Variants in TIMD4 observed in about 807,000 individuals in gnomAD.
TIMD4 encodes T-cell immunoglobulin and mucin domain-containing protein 4.
Under a neutral mutation model 41.2 loss-of-function variants are expected in TIMD4, and 31 were observed. The ratio of observed to expected loss-of-function variants is 0.75; its 90% CI spans 0.57 to 1.01. The LOEUF (loss-of-function observed/expected upper bound fraction) is 1.01. TIMD4 is among the 50% of genes least tolerant of loss of function. The pLI, the probability that TIMD4 is intolerant of heterozygous loss-of-function variation, is 0.00. For synonymous variants in TIMD4, 204 were observed against 177.1 expected, an observed-to-expected ratio of 1.15 and a Z score of -1.21; for missense variants, 479 against 472.5, an observed-to-expected ratio of 1.01 and a Z score of -0.13.
chr5:156,919,523 A>G lies in TIMD4; in HGVS notation c.1071T>C (p.Asp357=). Residue 357 remains aspartate (D), a synonymous_variant, in exon 9 of 9, where the codon GAT becomes GAC. Coordinates refer to ENST00000274532, the MANE Select transcript of TIMD4 (RefSeq NM_138379.3). ...QKHTRLDYIG[D]SKNVLNDVQH... ...GCACGTCATTGAGGACATTTTTACT[A>G]TCTCCAATGTAGTCTAGCCTGTAAA... 6.2e-7 allele frequency: 1 copy of G among 1,613,998 alleles called. No homozygotes were observed. Among genetic ancestry groups the G allele is most frequent in the Non-Finnish European group, 8.5e-7 (1 of 1,179,898 alleles).
chr5:156,925,340 G>A (rs2113343328), intron 6 of TIMD4, among the ~76,000 whole-genome samples: 1 of 152,246 alleles, frequency 6.6e-6, no homozygotes, highest in Non-Finnish European at 1.5e-5. Flanking sequence ...TCTGCAGGCA[G>A]GCATTGGGGC....
Position 156,951,763 on chromosome 5 carries a change from G to T in TIMD4, c.428C>A (p.Thr143Asn), listed in dbSNP as rs897655627. 1.2e-6 allele frequency: 2 copies of T among 1,614,088 alleles called. No homozygotes were observed. Among genetic ancestry groups the T allele is most frequent in the Non-Finnish European group, 1.7e-6 (2 of 1,180,028 alleles). The part of the protein sequence containing the change: ...RASTTTHRTA[T>N]TTTRRTTTTS... ...TGTTGTTGTTCTGCGTGTGGTGGTGGTTGCTGTTCTGTGCGTGGTTGTTGA... is the reference window on the plus strand; with the variant it reads ...TGTTGTTGTTCTGCGTGTGGTGGTGTTTGCTGTTCTGTGCGTGGTTGTTGA... The change falls in exon 3 of 9, where the codon ACC becomes AAC. Residue 143 changes from threonine (T) to asparagine (N), a missense_variant. By Grantham distance (65) the Thr-to-Asn change is moderately conservative (BLOSUM62 0). Coordinates refer to ENST00000274532, the MANE Select transcript of TIMD4 (RefSeq NM_138379.3).
At position 156,954,638 on chromosome 5, in the gene TIMD4, G is replaced by T. The variant is rs763609080; in HGVS notation, c.177C>A (p.Cys59Ter). The change falls in exon 2 of 9, where the codon TGC (cysteine) becomes TGA (stop). Residue 59 changes from cysteine to a stop codon, truncating the protein, a stop_gained. Transcript: ENST00000274532. LOFTEE classifies it high-confidence loss of function. ...GCGCCTCCTTGCAACCGGAGTAGGG[G>T]CACTGGTCTTTCCCCCAGCACATGC... Reference protein sequence around the residue: ...SNSMCWGKDQCPYSGCKEALI... With the variant: ...SNSMCWGKDQ 1.9e-6 allele frequency: 3 copies of T among 1,614,094 alleles called. No homozygotes were observed. The highest frequency in any genetic ancestry group is 3.3e-5 in the Admixed American group (2 of 60,000).
chr5:156,943,559 G>A (rs950261502), intron 5 of TIMD4, among the ~76,000 whole-genome samples: 3 of 152,164 alleles, frequency 2.0e-5, no homozygotes, highest in African/African-American at 7.2e-5. Context: ...AGGGATTTGG[G>A]ATGTTATAGA....
chr5:156,925,881 C>A (rs765815052), intron 6 of TIMD4, among the ~76,000 whole-genome samples: 8 of 152,144 alleles, frequency 5.3e-5, no homozygotes, highest in Middle Eastern at 3.4e-3. Flanking sequence ...CAAACCTCTG[C>A]GGATTTTTTG....
intron 7 of TIMD4, among the ~76,000 whole-genome samples, chr5:156,921,256 A>T (rs1294674987): frequency 2.6e-5 from 4 of 152,106 alleles, no homozygotes; most frequent in Non-Finnish European, 4.4e-5. Context: ...ATTTCAAAGG[A>T]TTCACATTAC....
intron 5 of TIMD4, among the ~76,000 whole-genome samples, chr5:156,931,395 G>C (rs2113351999): frequency 6.6e-6 from 1 of 152,294 alleles, no homozygotes; most frequent in Non-Finnish European, 1.5e-5. Flanking sequence ...AAGGAAGATT[G>C]ACTTTTCATG....
intron 5 of TIMD4, 24 bp from the exon 6 acceptor site, chr5:156,926,336 T>C: frequency 2.5e-6 from 4 of 1,612,638 alleles, no homozygotes; most frequent in South Asian, 1.1e-5. Flanking sequence ...GAGAAGAAAA[T>C]GGTTATATGT....
intron 8 of TIMD4, among the ~76,000 whole-genome samples, chr5:156,919,820 A>T (rs1759201592): frequency 6.6e-6 from 1 of 152,206 alleles, no homozygotes; most frequent in Admixed American, 6.5e-5. Flanking sequence ...GTGACCTTGA[A>T]AGGTCACCTC....
At chr5:156,931,270 T>G (rs904497903) in intron 5 of TIMD4, among the ~76,000 whole-genome samples, 3 of 152,230 alleles carry the variant, frequency 2.0e-5, no homozygotes, top group African/African-American at 7.2e-5. Context: ...ATTTGTGTGT[T>G]AAGCCAGTAA....
Position 156,945,767 on chromosome 5 carries a change from T to G in TIMD4, c.844+2649A>C, listed in dbSNP as rs542387558. 1.2e-3 allele frequency among the ~76,000 whole-genome samples: 189 copies of G among 152,312 alleles called. 3 individuals are homozygous for G. The South Asian group carries it at 0.037, about 30-fold the overall frequency. On this transcript the variant is annotated intron_variant, in intron 5 of 8. Transcript: ENST00000274532. ...GATTAGAGAACCAGATAAAATAAAA[T>G]GATACCTAAAGAGTGTAGAATCAGA...
chr5:156,948,359 A>C lies in TIMD4; in HGVS notation c.844+57T>G, dbSNP rs1581627654. ...AAAAAGCAAGATTCTGTCTAAAAAA[A>C]ATAATAATAATAATTAATAAAGTAA... On this transcript the variant is annotated intron_variant, in intron 5 of 8. Coordinates refer to ENST00000274532, the MANE Select transcript of TIMD4 (RefSeq NM_138379.3). 4.8e-6 allele frequency: 5 copies of C among 1,037,240 alleles called. No individual in the cohort carries two copies. In the East Asian group the frequency reaches 1.8e-4, roughly 37 times the overall value. 64.3% of individuals were successfully genotyped at this position (1,037,240 alleles called of 1,614,324 possible).
intron 3 of TIMD4, 77 bp from the exon 4 acceptor site, chr5:156,949,808 T>C (rs1262576520): frequency 3.5e-6 from 3 of 851,574 alleles, no homozygotes; most frequent in Non-Finnish European, 5.8e-6. Context: ...GGATTTGGGA[T>C]TATCTTTTTT....
intron 1 of TIMD4, among the ~76,000 whole-genome samples, chr5:156,957,538 GA>G (rs1759996094): frequency 8.2e-6 from 1 of 122,696 alleles, no homozygotes. Context: ...AAAAGAAAAA[GA>G]AAAAAGTCAA....
chr5:156,920,070 A>C (rs1759205482), intron 8 of TIMD4, among the ~76,000 whole-genome samples: 1 of 152,220 alleles, frequency 6.6e-6, no homozygotes, highest in Admixed American at 6.5e-5. Context: ...CAGAGGAACC[A>C]ACTCCCAGGA....
intron 5 of TIMD4, among the ~76,000 whole-genome samples, chr5:156,928,435 G>A (rs1322063784): frequency 1.3e-5 from 2 of 152,176 alleles, no homozygotes; most frequent in Non-Finnish European, 2.9e-5. Flanking sequence ...AGAGAGATCA[G>A]AAAGTAAGAG....
chr5:156,948,276 C>T (rs1439211935), intron 5 of TIMD4, 140 bp downstream of exon 5: 1 of 366,162 alleles, frequency 2.7e-6, no homozygotes, highest in Non-Finnish European at 4.0e-6. Flanking sequence ...CACTTGAGGC[C>T]AAGAGATTTG....
chr5:156,920,600 T>C (rs1759218841), intron 7 of TIMD4, 97 bp from the exon 8 acceptor site: 1 of 1,307,308 alleles, frequency 7.6e-7, no homozygotes, highest in Non-Finnish European at 1.1e-6. Flanking sequence ...AAAGAGCAGA[T>C]ATGGGCCAAA....
intron 5 of TIMD4, among the ~76,000 whole-genome samples, chr5:156,947,333 G>A (rs1759763960): frequency 6.6e-6 from 1 of 152,168 alleles, no homozygotes; most frequent in Admixed American, 6.5e-5. Context: ...TCTGTGGGTG[G>A]AAAAATAAAT....
Sources: allele counts gnomAD v4.1 joint callset (sites outside exome capture counted in the v4.1 genomes callset), GRCh38; gene constraint gnomAD v4.1.1; transcripts MANE v1.5; gene names NCBI Gene and HGNC (gene_info 2026-07-23, HGNC 2026-07-21).